The following RAD51B variants were observed in gnomAD, a reference collection of about 807,000 sequenced individuals.
RAD51B encodes DNA repair protein RAD51 homolog 2.
Under a neutral mutation model 42.2 loss-of-function variants are expected in RAD51B, and 38 were observed. That is an observed-to-expected ratio of 0.90 (90% CI 0.70 to 1.18). The LOEUF (loss-of-function observed/expected upper bound fraction) is 1.18, where lower values mean the gene tolerates loss of function less well. Ranked by LOEUF, RAD51B falls within the 50% of genes most tolerant of loss-of-function variation. The pLI is 0.00. For missense variants in RAD51B, 373 were observed against 400.7 expected (o/e 0.93, Z 0.59); for synonymous variants, 154 against 145.2 (o/e 1.06, Z -0.43).
intron 7 of RAD51B, among the ~76,000 whole-genome samples, chr14:68,157,450 T>G (rs889640991): frequency 1.3e-5 from 2 of 152,160 alleles, no homozygotes; most frequent in Non-Finnish European, 2.9e-5. Context: ...AGTAATAAAA[T>G]AAAAGGTATG....
At chr14:67,899,957 C>T (rs1020438878) in intron 7 of RAD51B, among the ~76,000 whole-genome samples, 2 of 152,190 alleles carry the variant, frequency 1.3e-5, no homozygotes. Context: ...TAATGGAACA[C>T]TGCCTCCTAA....
At chr14:68,061,655 C>T (rs1177226850) in intron 7 of RAD51B, among the ~76,000 whole-genome samples, 1 of 151,740 alleles carries the variant, frequency 6.6e-6, no homozygotes, top group Non-Finnish European at 1.5e-5. Context: ...TATTTTATAG[C>T]TACTGTAAAT....
At chr14:67,891,120 C>T (rs955137713) in intron 7 of RAD51B, among the ~76,000 whole-genome samples, 6 of 151,834 alleles carry the variant, frequency 4.0e-5, no homozygotes, top group Non-Finnish European at 7.4e-5. Flanking sequence ...ACTTTTTTGT[C>T]TCCCCTTAAT....
At chr14:68,671,991 T>C (rs1595057120) in intron 11 of RAD51B, among the ~76,000 whole-genome samples, 1 of 152,252 alleles carries the variant, frequency 6.6e-6, no homozygotes, top group South Asian at 2.1e-4. Flanking sequence ...GACAGTTGGG[T>C]GGACAGTGTC....
chr14:68,031,995 G>A (rs908835012), intron 7 of RAD51B, among the ~76,000 whole-genome samples: 1 of 151,680 alleles, frequency 6.6e-6, no homozygotes, highest in Non-Finnish European at 1.5e-5. Context: ...AATTCTGTAT[G>A]TAGCCTAGTG....
intron 3 of RAD51B, among the ~76,000 whole-genome samples, chr14:67,830,475 C>A (rs1005410056): frequency 2.0e-5 from 3 of 152,056 alleles, no homozygotes; most frequent in Admixed American, 6.5e-5. Context: ...GATCTTGGCT[C>A]ACTGCAATCT....
Position 68,477,764 on chromosome 14 carries a change from G to A in RAD51B, c.*100G>A, listed in dbSNP as rs1374456975. On this transcript the variant is annotated 3_prime_UTR_variant, in exon 11 of 11. Coordinates refer to ENST00000471583, the MANE Select transcript of RAD51B (RefSeq NM_133510.4). ...AAGGAAACGGAAGCTGACATAATGG[G>A]GATTAATTAGTTGATTGCTGTTGAG... is the stretch of plus-strand genomic sequence containing the variant. 17 of 1,563,554 alleles carry A rather than the reference G, an allele frequency of 1.1e-5. No individual in the cohort carries two copies. The highest frequency in any genetic ancestry group is 1.4e-5 in the Non-Finnish European group (16 of 1,161,160).
rs1225182402 is a variant in RAD51B, at chr14:67,846,150, C to A, written c.315+10954C>A. ...CAGCTGCGTTATGGTGGGATGCACACTCCATGGCTTGGATGGGGTGCTGGT... is the reference window on the plus strand; with the variant it reads ...CAGCTGCGTTATGGTGGGATGCACAATCCATGGCTTGGATGGGGTGCTGGT... On this transcript the variant is annotated intron_variant, in intron 4 of 10. Coordinates refer to ENST00000471583, the MANE Select transcript of RAD51B (RefSeq NM_133510.4). Among the ~76,000 whole-genome samples the A allele has an allele frequency of 3.3e-5, 5 of 152,150 alleles. No individual in the cohort carries two copies. The East Asian group carries it at 9.7e-4, about 29-fold the overall frequency.
At chr14:68,344,316 G>C (rs1555395682) in intron 8 of RAD51B, among the ~76,000 whole-genome samples, 1 of 152,256 alleles carries the variant, frequency 6.6e-6, no homozygotes, top group Non-Finnish European at 1.5e-5. Flanking sequence ...CTGGATGTGG[G>C]ACATGGAGTC....
intron 7 of RAD51B, among the ~76,000 whole-genome samples, chr14:68,216,289 C>G (rs150870314): frequency 5.6e-4 from 85 of 152,198 alleles, no homozygotes; most frequent in South Asian, 2.1e-3. Context: ...TTGACTCATG[C>G]GTTGCGTTTG....
intron 8 of RAD51B, among the ~76,000 whole-genome samples, chr14:68,371,623 T>G (rs1275868589): frequency 6.6e-6 from 1 of 152,216 alleles, no homozygotes; most frequent in Non-Finnish European, 1.5e-5. Context: ...GCAGGATTGC[T>G]TAAGCCTAGG....
intron 7 of RAD51B, among the ~76,000 whole-genome samples, chr14:67,943,106 G>T (rs1206267332): frequency 6.6e-6 from 1 of 151,706 alleles, no homozygotes; most frequent in Non-Finnish European, 1.5e-5. Flanking sequence ...GAAATATAAA[G>T]TAGTAAAACT....
intron 7 of RAD51B, among the ~76,000 whole-genome samples, chr14:68,163,345 T>C (rs1330478438): frequency 6.6e-6 from 1 of 152,214 alleles, no homozygotes; most frequent in East Asian, 1.9e-4. Flanking sequence ...CTTTCTCTGG[T>C]TCTTTTTAAC....
intron 7 of RAD51B, among the ~76,000 whole-genome samples, chr14:67,973,339 CA>C (rs1304597288): frequency 6.6e-6 from 1 of 151,968 alleles, no homozygotes; most frequent in Non-Finnish European, 1.5e-5. Context: ...AAATTGGCAG[CA>C]AGAAGTTTTA....
intron 11 of RAD51B, among the ~76,000 whole-genome samples, chr14:68,682,077 C>T (rs538925356): frequency 2.6e-5 from 4 of 152,238 alleles, no homozygotes; most frequent in South Asian, 2.1e-4. Context: ...GAATTCCCAC[C>T]GTGCCTTAAA....
At chr14:67,911,063 C>T (rs760063895) in intron 7 of RAD51B, among the ~76,000 whole-genome samples, 3 of 152,092 alleles carry the variant, frequency 2.0e-5, no homozygotes, top group Non-Finnish European at 4.4e-5. Context: ...AGTGATCCAC[C>T]CATCTGTGCC....
rs950088787 is a variant in RAD51B at position 68,063,780 on chromosome 14, G to A, written c.756+176576G>A. Among the ~76,000 whole-genome samples the A allele has an allele frequency of 2.0e-5, 3 of 152,102 alleles. No homozygotes were observed. The East Asian group carries it at 5.8e-4, about 29-fold the overall frequency. ...AAAAAGGTGTCAGGCACCTCCTCTT[G>A]TAGGAAGCATATAGTCGGATCTTGT... is the stretch of plus-strand genomic sequence containing the variant. On this transcript the variant is annotated intron_variant, in intron 7 of 10. Transcript: ENST00000471583.
In RAD51B at chr14:68,517,242, A is replaced by AGGGAAG. The variant is rs1171595519; in HGVS notation, c.1036+49007_1036+49012dup. 1.1e-4 allele frequency among the ~76,000 whole-genome samples: 17 copies of AGGGAAG among 151,260 alleles called. No individual in the cohort carries two copies. In the East Asian group the frequency reaches 2.2e-3, roughly 19 times the overall value. Reference sequence around the variant, plus strand: ...AGGGAAGGGAAGGGAAGGAAAGGAAAGGGAAGGGGAAGGGGAAGGGAGGCA... The same window carrying AGGGAAG: ...AGGGAAGGGAAGGGAAGGAAAGGAAAGGGAAGGGGAAGGGGAAGGGGAAGGGAGGCA... On this transcript the variant is annotated intron_variant, in intron 10 of 10. Coordinates refer to the RAD51B transcript ENST00000487270.
intron 10 of RAD51B, among the ~76,000 whole-genome samples, chr14:68,545,996 A>T (rs1241071706): frequency 6.6e-6 from 1 of 152,146 alleles, no homozygotes. Context: ...TCTGTTTTTT[A>T]GCTTGCTTCT....
Sources: allele counts gnomAD v4.1 joint callset (sites outside exome capture counted in the v4.1 genomes callset), GRCh38; gene constraint gnomAD v4.1.1; transcripts MANE v1.5; gene names NCBI Gene and HGNC (gene_info 2026-07-23, HGNC 2026-07-21).